CMSS1: variants seen among roughly 807,000 people sequenced by gnomAD.
CMSS1 encodes the protein cms1 ribosomal small subunit homolog.
Under a neutral mutation model 43.5 loss-of-function variants are expected in CMSS1, and 33 were observed. The ratio of observed to expected loss-of-function variants is 0.76; its 90% confidence interval spans 0.57 to 1.01. CMSS1 has a LOEUF of 1.01. CMSS1 is among the 50% of genes least tolerant of loss of function. The pLI is 0.00. For missense variants in CMSS1, 313 were observed against 326.4 expected, an observed-to-expected ratio of 0.96 and a Z score of 0.32; for synonymous variants, 115 against 117.2, an observed-to-expected ratio of 0.98 and a Z score of 0.12.
intron 6 of CMSS1, among the ~76,000 whole-genome samples, chr3:100,171,304 T>A (rs1421450616): frequency 6.6e-6 from 1 of 152,012 alleles, no homozygotes. Context: ...GTCTACAAAG[T>A]AGATAAGAAA....
intron 1 of CMSS1, among the ~76,000 whole-genome samples, chr3:100,046,928 A>G (rs2065287184): frequency 6.6e-6 from 1 of 152,238 alleles, no homozygotes; most frequent in Non-Finnish European, 1.5e-5. Context: ...ATGAGTAATT[A>G]GGTAGAGGGA....
intron 1 of CMSS1, among the ~76,000 whole-genome samples, chr3:99,958,296 C>A (rs745822855): frequency 1.1e-4 from 17 of 150,076 alleles, no homozygotes; most frequent in Non-Finnish European, 1.9e-4. Context: ...AGAACAGTAA[C>A]AGAAAGGGAA....
At chr3:100,166,168 G>C (rs1415595183) in intron 4 of CMSS1, among the ~76,000 whole-genome samples, 167 bp from the exon 5 acceptor site, 1 of 152,154 alleles carries the variant, frequency 6.6e-6, no homozygotes, top group Non-Finnish European at 1.5e-5. Flanking sequence ...TTTACTTGTT[G>C]CTGCTGCTGT....
intron 1 of CMSS1, among the ~76,000 whole-genome samples, chr3:99,996,819 G>A (rs758828142): frequency 1.1e-4 from 16 of 151,946 alleles, no homozygotes; most frequent in South Asian, 1.0e-3. Flanking sequence ...ATCTCCCACC[G>A]AGTCCCTCCC....
At chr3:99,838,118 C>T (rs909574722) in intron 1 of CMSS1, among the ~76,000 whole-genome samples, 2 of 152,192 alleles carry the variant, frequency 1.3e-5, no homozygotes, top group Non-Finnish European at 2.9e-5. Flanking sequence ...GTGCCCTTTG[C>T]TTATAGAATC....
chr3:99,850,590 T>C, intron 1 of CMSS1: 1 of 1,613,828 alleles, frequency 6.2e-7, no homozygotes, highest in South Asian at 1.1e-5. Context: ...CGTTTCCATA[T>C]TCTCCCTTAC....
At chr3:100,021,956 T>TGA (rs1271947896) in intron 1 of CMSS1, among the ~76,000 whole-genome samples, 67 of 94,592 alleles carry the variant, frequency 7.1e-4, no homozygotes, top group Non-Finnish European at 1.1e-3. Flanking sequence ...TGTGTGTGTG[T>TGA]GTGTGAGAGA....
At chr3:99,914,237 A>T (rs1039089188) in intron 1 of CMSS1, among the ~76,000 whole-genome samples, 1 of 152,180 alleles carries the variant, frequency 6.6e-6, no homozygotes, top group African/African-American at 2.4e-5. Context: ...TTGATATAGG[A>T]TATATGAAGG....
intron 1 of CMSS1, among the ~76,000 whole-genome samples, chr3:100,058,206 T>C (rs541652935): frequency 7.9e-5 from 12 of 152,366 alleles, no homozygotes; most frequent in Admixed American, 6.5e-4. Flanking sequence ...TATTACTCTC[T>C]ATACCCTACT....
intron 4 of CMSS1, among the ~76,000 whole-genome samples, chr3:100,164,490 T>C (rs988273235): frequency 1.3e-5 from 2 of 152,174 alleles, no homozygotes; most frequent in African/African-American, 2.4e-5. Flanking sequence ...TTCAGTAATA[T>C]AGTTAGGCAA....
intron 1 of CMSS1, among the ~76,000 whole-genome samples, chr3:99,842,901 C>T (rs570945254): frequency 6.2e-4 from 95 of 152,274 alleles, no homozygotes; most frequent in African/African-American, 2.0e-3. Context: ...TCGCTAGACT[C>T]CCTCAAGATT....
At chr3:100,159,810 A>T in intron 2 of CMSS1, 1 of 435,594 alleles carries the variant, frequency 2.3e-6, no homozygotes, top group Non-Finnish European at 4.7e-6. Context: ...GGCAAAACAG[A>T]TTACTCTAGA....
At chr3:99,925,894 G>A in intron 1 of CMSS1, 1 of 985,354 alleles carries the variant, frequency 1.0e-6, no homozygotes, top group Non-Finnish European at 1.2e-6. Flanking sequence ...GCTCCATTTT[G>A]CCCAGCACGG....
intron 1 of CMSS1, among the ~76,000 whole-genome samples, chr3:99,998,686 C>T (rs1253540299): frequency 1.3e-5 from 2 of 152,186 alleles, no homozygotes; most frequent in Non-Finnish European, 2.9e-5. Context: ...CCTCAGCCTC[C>T]CCAGTAGCTG....
intron 1 of CMSS1, among the ~76,000 whole-genome samples, chr3:99,873,175 G>A (rs1705326142): frequency 6.6e-6 from 1 of 152,204 alleles, no homozygotes; most frequent in Admixed American, 6.5e-5. Flanking sequence ...GGTTTGTGAT[G>A]CTGGCTGCAT....
chr3:100,171,200 T>C (rs1010543181), intron 6 of CMSS1, among the ~76,000 whole-genome samples: 1 of 152,092 alleles, frequency 6.6e-6, no homozygotes, highest in Non-Finnish European at 1.5e-5. Flanking sequence ...TTTTCCTTCC[T>C]TCTTTGCTTC....
At chr3:99,925,295 T>C (rs1327445097) in intron 1 of CMSS1, among the ~76,000 whole-genome samples, 1 of 152,252 alleles carries the variant, frequency 6.6e-6, no homozygotes, top group African/African-American at 2.4e-5. Flanking sequence ...CACAGCACTA[T>C]ACTTACATCT....
intron 1 of CMSS1, among the ~76,000 whole-genome samples, chr3:99,900,596 G>A (rs1706403332): frequency 1.3e-5 from 2 of 152,172 alleles, no homozygotes; most frequent in South Asian, 4.1e-4. Context: ...TTTCATAAAA[G>A]TTATTTGTTC....
intron 1 of CMSS1, among the ~76,000 whole-genome samples, chr3:99,987,919 T>A (rs1709392889): frequency 6.6e-6 from 1 of 152,230 alleles, no homozygotes; most frequent in South Asian, 2.1e-4. Context: ...TCTCTCATCC[T>A]GTTGGATTCT....
Sources: allele counts gnomAD v4.1 joint callset (sites outside exome capture counted in the v4.1 genomes callset), GRCh38; gene constraint gnomAD v4.1.1; transcripts MANE v1.5; gene names NCBI Gene and HGNC (gene_info 2026-07-23, HGNC 2026-07-21).